Variants in ZNF518B observed in about 807,000 individuals in gnomAD.
The protein encoded by ZNF518B is zinc finger protein 518B.
In ZNF518B, 23 loss-of-function variants were observed where a neutral mutation model predicts 56.3. The ratio of observed to expected loss-of-function variants is 0.41; its 90% CI spans 0.29 to 0.58. The LOEUF (loss-of-function observed/expected upper bound fraction) is 0.58. Among genes scored for constraint, ZNF518B ranks in the 20% least tolerant of loss-of-function variants. ZNF518B has a pLI of 0.32. For synonymous variants in ZNF518B, 529 were observed against 465.9 expected, an observed-to-expected ratio of 1.14 and a Z score of -1.74; for missense variants, 1,460 against 1,272.1, an observed-to-expected ratio of 1.15 and a Z score of -2.25.
At chr4:10,455,773 A>C (rs1361328930) in intron 1 of ZNF518B, among the ~76,000 whole-genome samples, 1 of 152,234 alleles carries the variant, frequency 6.6e-6, no homozygotes. Context: ...CTACGCAAAA[A>C]AGTGTTATTT....
At chr4:10,455,896 G>A (rs1184009225) in intron 1 of ZNF518B, among the ~76,000 whole-genome samples, 1 of 152,204 alleles carries the variant, frequency 6.6e-6, no homozygotes, top group Non-Finnish European at 1.5e-5. Flanking sequence ...TACTCAAAGA[G>A]ACAACAGTAT....
chr4:10,454,155 T>C (rs1715435604), intron 2 of ZNF518B: 1 of 152,206 alleles, frequency 6.6e-6, no homozygotes, highest in South Asian at 2.1e-4. Flanking sequence ...TTTATATTCT[T>C]GTGGGTGCCT....
chr4:10,455,276 T>G (rs558795165), intron 1 of ZNF518B, among the ~76,000 whole-genome samples: 1 of 152,170 alleles, frequency 6.6e-6, no homozygotes. Context: ...GACTGGCTGA[T>G]CTGTAGCTGC....
rs771586796 is a variant in ZNF518B, at chr4:10,444,132, T to A, written c.2197A>T (p.Ile733Phe). ...TLQKPPNDGG[I>F]TGNRQLTHQQ... ...TGAGTAAGCTGTCTATTACCAGTAA[T>A]ACCACCATCATTCGGAGGTTTCTGA... The change falls in exon 3 of 3, where the codon ATT becomes TTT. Residue 733 changes from isoleucine (I) to phenylalanine (F), a missense_variant. Transcript: ENST00000326756. 6.2e-7 allele frequency: 1 copy of A among 1,614,240 alleles called. No individual in the cohort carries two copies. The highest frequency in any genetic ancestry group is 8.5e-7 in the Non-Finnish European group (1 of 1,180,040).
chr4:10,458,314 C>G (rs1715633193), upstream of ZNF518B, among the ~76,000 whole-genome samples: 1 of 152,016 alleles, frequency 6.6e-6, no homozygotes, highest in African/African-American at 2.4e-5. Context: ...TCGGGATGAA[C>G]AGCTAAAGTT....
rs576043634 is a variant in ZNF518B, at chr4:10,452,609, A to G, written c.-212+2196T>C. 8 of 152,328 alleles carry G rather than the reference A, an allele frequency of 5.3e-5. 1 individual carries two copies. The South Asian group carries it at 1.7e-3, about 32-fold the overall frequency. 9.4% of individuals were successfully genotyped at this position (152,328 alleles called of 1,614,324 possible). A position where few individuals can be genotyped will look rare whatever the true frequency, so the allele number is the denominator to read the frequency against. The stretch of plus-strand genomic sequence containing the variant: ...CTAAGACCATTAATATGAATGTGTG[A>G]TGGGGAAGGCAGGACATCTGGGCCA... On this transcript the variant is annotated intron_variant, in intron 2 of 2. Coordinates refer to ENST00000326756, the MANE Select transcript of ZNF518B (RefSeq NM_053042.3).
At chr4:10,450,550 A>G (rs1483630913) in intron 2 of ZNF518B, among the ~76,000 whole-genome samples, 1 of 145,662 alleles carries the variant, frequency 6.9e-6, no homozygotes, top group African/African-American at 2.7e-5. Flanking sequence ...GAGGGACAGC[A>G]GGCATATCTG....
Position 10,440,118 on chromosome 4 carries a change from T to G in ZNF518B, c.*2986A>C, listed in dbSNP as rs1714605621. On this transcript the variant is annotated 3_prime_UTR_variant, in exon 3 of 3. Coordinates refer to ENST00000326756, the MANE Select transcript of ZNF518B (RefSeq NM_053042.3). ...CACATCTTCAACTTCTGAGATGGATTATATATAACATGTCCTAAAGAAAAA... is the reference window on the plus strand; with the variant it reads ...CACATCTTCAACTTCTGAGATGGATGATATATAACATGTCCTAAAGAAAAA... 1 of 152,488 alleles carries G rather than the reference T, an allele frequency of 6.6e-6. No individual in the cohort carries two copies. Among genetic ancestry groups the G allele is most frequent in the African/African-American group, 2.4e-5 (1 of 41,456 alleles). The allele number at this position is 152,488 out of a possible 1,614,324, so 9.4% of individuals were successfully genotyped here.
Position 10,444,584 on chromosome 4 carries a change from GCCTTGTGTT to G in ZNF518B, c.1736_1744del (p.Glu579_Lys581del), listed in dbSNP as rs762502335. Reference sequence around the variant, plus strand: ...GGAAATCTGGCCTACAGTTGAAACTGCCTTGTGTTCCTCTGTCTGGTTATCTTCCTGCTT... The same window carrying G: ...GGAAATCTGGCCTACAGTTGAAACTGCCTCTGTCTGGTTATCTTCCTGCTT... On this transcript the variant is annotated inframe_deletion, in exon 3 of 3. Transcript: ENST00000326756. 124 of 1,614,000 alleles carry G rather than the reference GCCTTGTGTT, an allele frequency of 7.7e-5. No homozygotes were observed. The highest frequency in any genetic ancestry group is 9.7e-5 in the Non-Finnish European group (114 of 1,180,024).
chr4:10,444,991 A>G lies in ZNF518B; in HGVS notation c.1338T>C (p.Ser446=). The G allele has an allele frequency of 1.2e-6, 2 of 1,614,164 alleles. No homozygotes were observed. The highest frequency in any genetic ancestry group is 1.7e-6 in the Non-Finnish European group (2 of 1,180,018). ...RSYDFIMPNS[S]VHNNGKSFIN... ...TGAAGGATTTTCCATTGTTGTGCAC[A>G]CTAGAATTTGGCATAATAAAATCAT... The change falls in exon 3 of 3, where the codon AGT becomes AGC. Residue 446 remains serine (S), a synonymous_variant. Transcript: ENST00000326756.
intron 2 of ZNF518B, chr4:10,453,009 T>C (rs571088621): frequency 6.6e-6 from 1 of 152,286 alleles, no homozygotes; most frequent in East Asian, 1.9e-4. Flanking sequence ...TGTAACACAG[T>C]AGAGAATAAT....
chr4:10,443,423 T>A lies in ZNF518B; in HGVS notation c.2906A>T (p.Asn969Ile). The stretch of plus-strand genomic sequence containing the variant: ...CTCTGATAAAACAACTTTGAGGACA[T>A]TGCCTTTGTATTTATTTATTACCTT... ...VMKVINKYKGNVLKVVLSERT... is the reference protein window; with the variant it reads ...VMKVINKYKGIVLKVVLSERT... Residue 969 changes from asparagine (N) to isoleucine (I), a missense_variant, in exon 3 of 3, where the codon AAT becomes ATT. Coordinates refer to ENST00000326756, the MANE Select transcript of ZNF518B (RefSeq NM_053042.3). 6.2e-7 allele frequency: 1 copy of A among 1,614,248 alleles called. No individual in the cohort carries two copies. The highest frequency in any genetic ancestry group is 8.5e-7 in the Non-Finnish European group (1 of 1,180,040).
intron 2 of ZNF518B, chr4:10,453,540 C>A (rs1265721952): frequency 6.7e-6 from 1 of 148,928 alleles, no homozygotes; most frequent in African/African-American, 2.5e-5. Flanking sequence ...ATTTAGAGTG[C>A]TTGATGTCTA....
At chr4:10,455,141 G>A (rs2108997616) in intron 1 of ZNF518B, among the ~76,000 whole-genome samples, 153 bp from the exon 2 acceptor site, 2 of 152,280 alleles carry the variant, frequency 1.3e-5, no homozygotes, top group East Asian at 3.9e-4. Context: ...AGGATTCCCA[G>A]GACTCACATG....
Position 10,445,466 on chromosome 4 carries a change from A to C in ZNF518B, c.863T>G (p.Val288Gly), listed in dbSNP as rs993294916. The C allele has an allele frequency of 1.2e-6, 2 of 1,614,224 alleles. No homozygotes were observed. The highest frequency in any genetic ancestry group is 8.5e-7 in the Non-Finnish European group (1 of 1,180,040). ...LPEPKEYQKD[V>G]VCIPNKMTLS... ...GGTCATTTTATTTGGAATACAAACT[A>C]CATCTTTTTGGTATTCCTTTGGTTC... Residue 288 changes from valine (V) to glycine (G), a missense_variant, in exon 3 of 3, where the codon GTA (valine) becomes GGA (glycine). Coordinates refer to ENST00000326756, the MANE Select transcript of ZNF518B (RefSeq NM_053042.3).
At chr4:10,460,315 AAAAAAAAACC>A (rs1367014051), upstream of ZNF518B, among the ~76,000 whole-genome samples, 455 of 93,564 alleles carry the variant, frequency 4.9e-3, 71 homozygotes, top group East Asian at 0.036. Flanking sequence ...AAAAAAAAAA[AAAAAAAAACC>A]AAAAAAAAAA....
chr4:10,450,130 G>A (rs1715242048), intron 2 of ZNF518B, among the ~76,000 whole-genome samples: 1 of 152,152 alleles, frequency 6.6e-6, no homozygotes, highest in East Asian at 1.9e-4. Context: ...GTCTTGGAGA[G>A]GCCTCTGCAA....
Position 10,444,662 on chromosome 4 carries a change from G to A in ZNF518B, c.1667C>T (p.Thr556Ile), listed in dbSNP as rs758967758. 14 of 1,614,132 alleles carry A rather than the reference G, an allele frequency of 8.7e-6. No individual in the cohort carries two copies. Among genetic ancestry groups the A allele is most frequent in the Middle Eastern group, 1.6e-4 (1 of 6,062 alleles). The change falls in exon 3 of 3, where the codon ACA becomes ATA. Residue 556 changes from threonine to isoleucine, a missense_variant. Physicochemically the swap from Thr to Ile is moderately conservative, Grantham distance 89. Coordinates refer to ENST00000326756, the MANE Select transcript of ZNF518B (RefSeq NM_053042.3). ...TTTTACAGGAATATTGACTTTACTT[G>A]TAGATTCCAAGTCATTTTCACTTAC... is the stretch of plus-strand genomic sequence containing the variant. ...LPVSENDLESTSKVNIPVKVV... is the reference protein window; with the variant it reads ...LPVSENDLESISKVNIPVKVV...
upstream of ZNF518B, among the ~76,000 whole-genome samples, chr4:10,457,819 TG>T (rs924523498): frequency 2.6e-5 from 4 of 152,188 alleles, no homozygotes; most frequent in Non-Finnish European, 4.4e-5. Flanking sequence ...CTCGTCTTCT[TG>T]GAGAGCTTCA....
Sources: gnomAD v4.1 joint callset for allele counts (sites outside exome capture counted in the v4.1 genomes callset) on GRCh38, gnomAD v4.1.1 for gene constraint, MANE v1.5 for transcripts, NCBI Gene and HGNC (gene_info 2026-07-23, HGNC 2026-07-21) for gene names.